Variants in SYT9 observed in about 807,000 individuals in gnomAD.
SYT9 encodes synaptotagmin 9.
A neutral mutation model predicts 48.4 loss-of-function variants in SYT9; 22 were observed. The observed-to-expected ratio is 0.45, with a 90% CI of 0.32 to 0.65. The LOEUF (loss-of-function observed/expected upper bound fraction) is 0.65. Among genes scored for constraint, SYT9 ranks in the 30% least tolerant of loss-of-function variants. The pLI is 0.03. For missense variants in SYT9, 577 were observed against 622.0 expected (o/e 0.93, Z 0.77); for synonymous variants, 265 against 245.0 (o/e 1.08, Z -0.76).
intron 3 of SYT9, among the ~76,000 whole-genome samples, chr11:7,400,297 C>G (rs756136735): frequency 6.6e-6 from 1 of 152,100 alleles, no homozygotes; most frequent in African/African-American, 2.4e-5. Flanking sequence ...GTCCACTCAT[C>G]ATGATGAAAA....
intron 1 of SYT9, among the ~76,000 whole-genome samples, chr11:7,280,123 G>T (rs951070340): frequency 1.3e-5 from 2 of 152,358 alleles, no homozygotes; most frequent in East Asian, 1.9e-4. Flanking sequence ...AAATATACAC[G>T]CATACGTTTA....
At chr11:7,447,431 C>A (rs941909118) in intron 6 of SYT9, among the ~76,000 whole-genome samples, 2 of 152,180 alleles carry the variant, frequency 1.3e-5, no homozygotes, top group African/African-American at 4.8e-5. Flanking sequence ...AGTACCCTGG[C>A]AACACTGCTC....
intron 3 of SYT9, among the ~76,000 whole-genome samples, chr11:7,414,908 G>A (rs1847209706): frequency 1.3e-5 from 2 of 152,178 alleles, no homozygotes; most frequent in African/African-American, 4.8e-5. Flanking sequence ...TTGTCAGTAG[G>A]AAACTGTATT....
intron 3 of SYT9, among the ~76,000 whole-genome samples, chr11:7,369,492 A>G (rs1850315768): frequency 1.3e-5 from 2 of 151,822 alleles, no homozygotes; most frequent in South Asian, 2.1e-4. Flanking sequence ...ATTATATTCC[A>G]TTTGTCAGTT....
At chr11:7,377,091 G>A (rs1353086271) in intron 3 of SYT9, among the ~76,000 whole-genome samples, 1 of 150,014 alleles carries the variant, frequency 6.7e-6, no homozygotes, top group Non-Finnish European at 1.5e-5. Context: ...GTGGAGAGAA[G>A]TCCCTGATGT....
intron 3 of SYT9, among the ~76,000 whole-genome samples, chr11:7,384,241 A>G (rs968690233): frequency 2.2e-4 from 34 of 152,092 alleles, no homozygotes; most frequent in African/African-American, 7.7e-4. Context: ...TTTTCCTCCC[A>G]GGAGTTGGTA....
intron 3 of SYT9, among the ~76,000 whole-genome samples, chr11:7,411,106 C>T (rs1181350307): frequency 6.6e-6 from 1 of 152,176 alleles, no homozygotes; most frequent in Non-Finnish European, 1.5e-5. Flanking sequence ...TCACCTGCCT[C>T]GGCATCCCAA....
At chr11:7,374,907 A>T (rs1322338545) in intron 3 of SYT9, among the ~76,000 whole-genome samples, 1 of 152,134 alleles carries the variant, frequency 6.6e-6, no homozygotes, top group Non-Finnish European at 1.5e-5. Flanking sequence ...TTCCCTGTGC[A>T]GAATCTCTTT....
intron 6 of SYT9, among the ~76,000 whole-genome samples, chr11:7,443,726 G>C (rs1437016118): frequency 1.3e-5 from 2 of 152,230 alleles, no homozygotes; most frequent in African/African-American, 2.4e-5. Flanking sequence ...GATAATTCAA[G>C]AGCCACAGTC....
At chr11:7,372,029 G>T (rs987215961) in intron 3 of SYT9, among the ~76,000 whole-genome samples, 1 of 152,078 alleles carries the variant, frequency 6.6e-6, no homozygotes, top group Admixed American at 6.6e-5. Context: ...TAAATACCTA[G>T]GAGTAGAATT....
intron 6 of SYT9, among the ~76,000 whole-genome samples, chr11:7,456,272 G>A (rs150869852): frequency 7.2e-5 from 11 of 152,340 alleles, no homozygotes; most frequent in African/African-American, 2.4e-4. Context: ...TTTGCTCTCT[G>A]ATCATGGAGA....
At chr11:7,254,549 C>T (rs1418931238) in intron 1 of SYT9, among the ~76,000 whole-genome samples, 1 of 152,152 alleles carries the variant, frequency 6.6e-6, no homozygotes, top group Non-Finnish European at 1.5e-5. Flanking sequence ...AAAAGCTGCA[C>T]CACACAACGC....
At chr11:7,250,335 A>AT (rs1847844497), upstream of SYT9, among the ~76,000 whole-genome samples, 1 of 152,116 alleles carries the variant, frequency 6.6e-6, no homozygotes, top group African/African-American at 2.4e-5. Context: ...TATCAAAGTC[A>AT]TTTTTTAACT....
chr11:7,349,620 C>T (rs1849873449), intron 3 of SYT9, among the ~76,000 whole-genome samples: 1 of 152,298 alleles, frequency 6.6e-6, no homozygotes, highest in South Asian at 2.1e-4. Flanking sequence ...AGGCCTATCA[C>T]CCTACCAACG....
chr11:7,266,721 C>G (rs183644678), intron 1 of SYT9, among the ~76,000 whole-genome samples: 5 of 152,170 alleles, frequency 3.3e-5, no homozygotes, highest in Admixed American at 2.0e-4. Flanking sequence ...AACAGGAGCT[C>G]TACTTCATAT....
intron 6 of SYT9, among the ~76,000 whole-genome samples, chr11:7,436,467 T>TGAG (rs1190254416): frequency 6.6e-6 from 1 of 152,262 alleles, no homozygotes; most frequent in Non-Finnish European, 1.5e-5. Context: ...GATCTCAGAC[T>TGAG]GAGGGTCCAT....
At chr11:7,309,106 A>T (rs1257898573) in intron 2 of SYT9, among the ~76,000 whole-genome samples, 1 of 152,178 alleles carries the variant, frequency 6.6e-6, no homozygotes, top group East Asian at 1.9e-4. Context: ...CACAGGTTCA[A>T]CTGCTATTCT....
chr11:7,246,457 CA>C (rs541916598), intron 1 of SYT9, among the ~76,000 whole-genome samples: 112 of 152,278 alleles, frequency 7.4e-4, no homozygotes, highest in African/African-American at 2.4e-3. Flanking sequence ...AATGAAAGAA[CA>C]AATAGTTGGG....
At chr11:7,462,275 A>C (rs1408175269) in intron 6 of SYT9, among the ~76,000 whole-genome samples, 1 of 152,206 alleles carries the variant, frequency 6.6e-6, no homozygotes, top group Non-Finnish European at 1.5e-5. Flanking sequence ...TCTATCACAG[A>C]GGGTTAAGGT....
Sources: allele counts gnomAD v4.1 joint callset (sites outside exome capture counted in the v4.1 genomes callset), GRCh38; gene constraint gnomAD v4.1.1; transcripts MANE v1.5; gene names NCBI Gene and HGNC (gene_info 2026-07-23, HGNC 2026-07-21).